Variants in SMAD6 observed in about 807,000 individuals in gnomAD.
The protein encoded by SMAD6 is MAD homolog 6.
Under a neutral mutation model 39.4 loss-of-function variants are expected in SMAD6, and 103 were observed. That is an observed-to-expected ratio of 2.62 (90% CI 2.23 to 3.08). SMAD6 has a LOEUF of 3.08. Ranked by LOEUF, SMAD6 falls within the 30% of genes most tolerant of loss-of-function variation. The pLI, the probability that SMAD6 is intolerant of heterozygous loss-of-function variation, is 0.00. For synonymous variants in SMAD6, 445 were observed against 353.3 expected (o/e 1.26, Z -2.91); for missense variants, 1,104 against 742.9 (o/e 1.49, Z -5.65).
At chr15:66,778,955 C>G (rs1487979350) in intron 3 of SMAD6, among the ~76,000 whole-genome samples, 2 of 152,224 alleles carry the variant, frequency 1.3e-5, no homozygotes, top group South Asian at 2.1e-4. Context: ...CCTTGCTGTG[C>G]CTGACACACT....
intron 2 of SMAD6, among the ~76,000 whole-genome samples, chr15:66,713,467 G>T (rs899912890): frequency 6.6e-6 from 1 of 152,116 alleles, no homozygotes; most frequent in Non-Finnish European, 1.5e-5. Context: ...CTGCAGGCAC[G>T]CGCCACCACG....
intron 3 of SMAD6, among the ~76,000 whole-genome samples, chr15:66,745,763 T>C (rs1893896731): frequency 6.6e-6 from 1 of 152,156 alleles, no homozygotes; most frequent in African/African-American, 2.4e-5. Context: ...CCTTTCCCTC[T>C]CCGGGCCTCA....
intron 3 of SMAD6, 99 bp from the exon 4 acceptor site, chr15:66,780,898 C>T (rs1674262145): frequency 8.1e-7 from 1 of 1,238,898 alleles, no homozygotes; most frequent in Admixed American, 2.4e-5. Flanking sequence ...AAACCTTACC[C>T]AGCTCCCACT....
At chr15:66,766,019 G>A (rs1396375941) in intron 3 of SMAD6, among the ~76,000 whole-genome samples, 1 of 152,222 alleles carries the variant, frequency 6.6e-6, no homozygotes, top group Non-Finnish European at 1.5e-5. Flanking sequence ...AGTGAACAAA[G>A]AGTGGTTAAC....
In SMAD6 at chr15:66,703,008, A is replaced by C. The variant is rs1045629492; in HGVS notation, c.-251A>C. 2.8e-6 allele frequency: 1 copy of C among 352,862 alleles called. No homozygotes were observed. Among genetic ancestry groups the C allele is most frequent in the Admixed American group, 4.8e-5 (1 of 20,782 alleles). 21.9% of individuals were successfully genotyped at this position (352,862 alleles called of 1,614,324 possible). A position where few individuals can be genotyped will look rare whatever the true frequency, so the allele number is the denominator to read the frequency against. The stretch of plus-strand genomic sequence containing the variant: ...TTGAGCAGCCCCGCCGCTGTGGTCC[A>C]TGTAGCCGCTGGCCGCGCGCGGACT... On this transcript the variant is annotated 5_prime_UTR_variant, in exon 1 of 4. The change abolishes an upstream ATG in the 5' untranslated region. Transcript: ENST00000288840.
intron 3 of SMAD6, among the ~76,000 whole-genome samples, chr15:66,753,381 C>T (rs77248445): frequency 0.02 from 3,077 of 152,312 alleles, 43 homozygotes; most frequent in East Asian, 0.066. Flanking sequence ...TGGGCCATCT[C>T]CAAGGAGCCC....
chr15:66,732,090 T>A (rs1324941978), intron 3 of SMAD6, among the ~76,000 whole-genome samples: 1 of 151,878 alleles, frequency 6.6e-6, no homozygotes, highest in Non-Finnish European at 1.5e-5. Context: ...ACTGCAGGCA[T>A]GCGCCACCAC....
At chr15:66,723,390 A>G (rs769108300) in intron 3 of SMAD6, among the ~76,000 whole-genome samples, 6 of 152,194 alleles carry the variant, frequency 3.9e-5, no homozygotes, top group Admixed American at 6.5e-5. Flanking sequence ...AACATTTATT[A>G]TTCAGAACTT....
intron 3 of SMAD6, among the ~76,000 whole-genome samples, chr15:66,741,969 T>G (rs1187119992): frequency 6.6e-6 from 1 of 152,132 alleles, no homozygotes; most frequent in Non-Finnish European, 1.5e-5. Flanking sequence ...TGAGTGAAGA[T>G]GAGAACTTTC....
At chr15:66,754,416 G>A (rs139102289) in intron 3 of SMAD6, among the ~76,000 whole-genome samples, 182 of 152,310 alleles carry the variant, frequency 1.2e-3, no homozygotes, top group Admixed American at 4.6e-3. Context: ...CCACTTGCAC[G>A]TGGACATACA....
chr15:66,703,809 A>C lies in SMAD6; in HGVS notation c.551A>C (p.Lys184Thr). ...TVTYSLLKRL[K>T]ERSLDTLLEA... is the part of the protein sequence containing the mutation. ...ACGTACTCGCTGCTGAAGCGGCTCA[A>C]GGAGCGCTCGCTGGACACGCTGCTG... is the stretch of plus-strand genomic sequence containing the variant. Residue 184 changes from lysine to threonine, a missense_variant, in exon 1 of 4, where the codon AAG becomes ACG. By Grantham distance (78) the Lys-to-Thr change is moderately conservative. Transcript: ENST00000288840. 2 of 1,432,678 alleles carry C rather than the reference A, an allele frequency of 1.4e-6. No homozygotes were observed. Among genetic ancestry groups the C allele is most frequent in the Non-Finnish European group, 1.8e-6 (2 of 1,082,218 alleles). The allele number at this position is 1,432,678 out of a possible 1,614,324, so 88.7% of individuals were successfully genotyped here. A position where few individuals can be genotyped will look rare whatever the true frequency, so the allele number is the denominator to read the frequency against.
intron 3 of SMAD6, among the ~76,000 whole-genome samples, chr15:66,780,435 A>G (rs1011888372): frequency 1.3e-5 from 2 of 152,102 alleles, no homozygotes; most frequent in South Asian, 2.1e-4. Flanking sequence ...CCATCCCCCA[A>G]TAGCCTAACC....
chr15:66,781,203 A>ATCGG lies in SMAD6; in HGVS notation c.1160_1163dup (p.Phe389ArgfsTer177). 6.2e-7 allele frequency: 1 copy of ATCGG among 1,608,438 alleles called. No individual in the cohort carries two copies. The highest frequency in any genetic ancestry group is 8.5e-7 in the Non-Finnish European group (1 of 1,179,738). ...GTCGGTGCGGCGAACGCGCAGCAAGATCGGCTTCGGCATCCTGCTCAGCAA... is the reference window on the plus strand; with the variant it reads ...GTCGGTGCGGCGAACGCGCAGCAAGATCGGTCGGCTTCGGCATCCTGCTCAGCAA... On this transcript the variant is annotated frameshift_variant, in exon 4 of 4. Coordinates refer to ENST00000288840, the MANE Select transcript of SMAD6 (RefSeq NM_005585.5). LOFTEE classifies it high-confidence loss of function.
intron 1 of SMAD6, 43 bp from the exon 2 acceptor site, chr15:66,711,625 G>A (rs778819152): frequency 2.0e-6 from 3 of 1,498,742 alleles, no homozygotes; most frequent in African/African-American, 2.8e-5. Flanking sequence ...TGAGGTGTGA[G>A]CTCCCCAACC....
At chr15:66,711,280 A>G (rs1893220861) in intron 1 of SMAD6, among the ~76,000 whole-genome samples, 1 of 152,242 alleles carries the variant, frequency 6.6e-6, no homozygotes, top group South Asian at 2.1e-4. Flanking sequence ...TTGTTAAAGT[A>G]GTAACAGTTA....
intron 3 of SMAD6, among the ~76,000 whole-genome samples, chr15:66,743,719 A>G (rs993866519): frequency 1.3e-5 from 2 of 152,090 alleles, no homozygotes; most frequent in Non-Finnish European, 2.9e-5. Flanking sequence ...TTTGGATGTT[A>G]TTTTTCCTGT....
chr15:66,746,087 G>A (rs1420094996), intron 3 of SMAD6, among the ~76,000 whole-genome samples: 2 of 152,230 alleles, frequency 1.3e-5, no homozygotes, highest in Admixed American at 1.3e-4. Flanking sequence ...GGGGTTGGGG[G>A]AGATGGAGCA....
At chr15:66,735,141 C>T in intron 3 of SMAD6, among the ~76,000 whole-genome samples, 1 of 152,216 alleles carries the variant, frequency 6.6e-6, no homozygotes, top group Non-Finnish European at 1.5e-5. Context: ...GACACCATCC[C>T]AGAGCTCTTG....
chr15:66,721,637 A>G (rs1224443493), intron 3 of SMAD6, among the ~76,000 whole-genome samples: 1 of 152,172 alleles, frequency 6.6e-6, no homozygotes, highest in Admixed American at 6.5e-5. Context: ...TGATAATAAC[A>G]ACATATCCCT....
Sources: gnomAD v4.1 joint callset for allele counts (sites outside exome capture counted in the v4.1 genomes callset) on GRCh38, gnomAD v4.1.1 for gene constraint, MANE v1.5 for transcripts, NCBI Gene and HGNC (gene_info 2026-07-23, HGNC 2026-07-21) for gene names.